Variants in RBFOX1 observed in about 807,000 individuals in gnomAD.
RBFOX1 encodes RNA binding fox-1 homolog 1.
In RBFOX1, 8 loss-of-function variants were observed where a neutral mutation model predicts 57.7. The observed-to-expected ratio is 0.14, with a 90% CI of 0.08 to 0.25. The LOEUF (loss-of-function observed/expected upper bound fraction) is 0.25. RBFOX1 is among the 10% of genes least tolerant of loss of function. The pLI is 1.00. For synonymous variants in RBFOX1, 326 were observed against 222.4 expected (o/e 1.47, Z -4.15); for missense variants, 611 against 548.5 (o/e 1.11, Z -1.14).
intron 4 of RBFOX1, among the ~76,000 whole-genome samples, chr16:7,449,626 C>A (rs11644672): frequency 2.0e-4 from 30 of 150,936 alleles, no homozygotes; most frequent in Admixed American, 2.7e-4. Context: ...CTGCACATCC[C>A]CAGTGCCTGA....
chr16:6,526,445 T>G (rs1451553666), intron 2 of RBFOX1, among the ~76,000 whole-genome samples: 1 of 152,176 alleles, frequency 6.6e-6, no homozygotes, highest in Non-Finnish European at 1.5e-5. Flanking sequence ...TACATTGCTG[T>G]AGAAGGCGGT....
intron 1 of RBFOX1, among the ~76,000 whole-genome samples, chr16:5,403,871 C>A (rs567595975): frequency 6.6e-6 from 1 of 152,142 alleles, no homozygotes; most frequent in East Asian, 1.9e-4. Flanking sequence ...ATGAAATATA[C>A]TGGGGAAAGA....
At chr16:6,980,942 C>G (rs762830565) in intron 3 of RBFOX1, among the ~76,000 whole-genome samples, 7 of 147,870 alleles carry the variant, frequency 4.7e-5, no homozygotes, top group African/African-American at 1.0e-4. Context: ...AATCGGGAGT[C>G]TGAGGCATGA....
At chr16:6,944,482 C>T (rs2079120042) in intron 3 of RBFOX1, among the ~76,000 whole-genome samples, 1 of 152,000 alleles carries the variant, frequency 6.6e-6, no homozygotes, top group Non-Finnish European at 1.5e-5. Context: ...GACTTATCTC[C>T]ACATAGGTGA....
rs139437673 is a variant in RBFOX1 at position 6,387,392 on chromosome 16, A to C, written c.-64+70335A>C. Reference sequence around the variant, plus strand: ...TGCTGTCCCATGCAACTTGACTTCTATTTACACTCCTCGGATTCGTATGTG... The same window carrying C: ...TGCTGTCCCATGCAACTTGACTTCTCTTTACACTCCTCGGATTCGTATGTG... On this transcript the variant is annotated intron_variant, in intron 2 of 15. Coordinates refer to ENST00000550418, the MANE Select transcript of RBFOX1 (RefSeq NM_018723.4). 2.0e-5 allele frequency among the ~76,000 whole-genome samples: 3 copies of C among 150,692 alleles called. No individual in the cohort carries two copies. The South Asian group carries it at 6.3e-4, about 32-fold the overall frequency.
At chr16:5,336,003 G>T (rs1446138463) in intron 1 of RBFOX1, among the ~76,000 whole-genome samples, 12 of 152,142 alleles carry the variant, frequency 7.9e-5, no homozygotes, top group African/African-American at 2.9e-4. Context: ...GTCCAATTTG[G>T]TAGGTGAGAA....
chr16:7,038,594 C>G (rs900407464), intron 3 of RBFOX1, among the ~76,000 whole-genome samples: 2 of 152,144 alleles, frequency 1.3e-5, no homozygotes, highest in Non-Finnish European at 2.9e-5. Flanking sequence ...ATGTGTCAGA[C>G]CAGCCAGGCT....
chr16:5,996,143 T>A (rs899131578), intron 4 of RBFOX1, among the ~76,000 whole-genome samples: 29 of 152,188 alleles, frequency 1.9e-4, no homozygotes, highest in African/African-American at 7.0e-4. Flanking sequence ...TGTTGGGATT[T>A]CACCATATTA....
At chr16:5,493,872 A>T (rs988289972) in intron 2 of RBFOX1, among the ~76,000 whole-genome samples, 1 of 152,224 alleles carries the variant, frequency 6.6e-6, no homozygotes, top group Non-Finnish European at 1.5e-5. Flanking sequence ...CGGTAGCCAA[A>T]ATATGAAATT....
intron 2 of RBFOX1, among the ~76,000 whole-genome samples, chr16:5,503,279 G>A (rs1225835368): frequency 1.3e-5 from 2 of 152,114 alleles, no homozygotes; most frequent in Non-Finnish European, 2.9e-5. Context: ...CTGGTATTAC[G>A]GACAGAGAGT....
chr16:5,489,834 G>A (rs2042765773), intron 2 of RBFOX1, among the ~76,000 whole-genome samples: 1 of 152,204 alleles, frequency 6.6e-6, no homozygotes. Context: ...GTGCATCTCT[G>A]TCTGAACTCC....
At chr16:6,034,351 A>G (rs1184108207) in intron 1 of RBFOX1, among the ~76,000 whole-genome samples, 2 of 146,466 alleles carry the variant, frequency 1.4e-5, no homozygotes, top group Non-Finnish European at 3.1e-5. Flanking sequence ...AAAAAAAAAA[A>G]AAAAAAGAAA....
intron 4 of RBFOX1, among the ~76,000 whole-genome samples, chr16:7,181,007 G>T (rs1174526152): frequency 6.6e-6 from 1 of 152,196 alleles, no homozygotes; most frequent in East Asian, 1.9e-4. Context: ...CAAAAGCAAT[G>T]GAATGTTGCG....
chr16:7,050,222 G>A (rs749558492), intron 3 of RBFOX1, among the ~76,000 whole-genome samples: 17 of 146,352 alleles, frequency 1.2e-4, no homozygotes, highest in Non-Finnish European at 2.3e-4. Context: ...ATTTCTCCCA[G>A]TCTTTTCCTC....
intron 3 of RBFOX1, among the ~76,000 whole-genome samples, chr16:6,814,534 C>G (rs974316366): frequency 1.3e-5 from 2 of 152,038 alleles, no homozygotes; most frequent in African/African-American, 4.8e-5. Flanking sequence ...AATGACAATC[C>G]TTAGTATGTG....
chr16:7,523,629 G>T (rs1273820528), intron 5 of RBFOX1, among the ~76,000 whole-genome samples: 1 of 152,208 alleles, frequency 6.6e-6, no homozygotes, highest in Non-Finnish European at 1.5e-5. Context: ...TTAAAGGAAA[G>T]ACAGCCATTA....
chr16:6,543,054 C>G (rs1417975678), intron 2 of RBFOX1, among the ~76,000 whole-genome samples: 1 of 152,158 alleles, frequency 6.6e-6, no homozygotes, highest in East Asian at 1.9e-4. Context: ...GTAATCACAT[C>G]CAAGCCAATT....
intron 3 of RBFOX1, among the ~76,000 whole-genome samples, chr16:6,751,687 C>G (rs553840153): frequency 9.2e-5 from 14 of 152,250 alleles, no homozygotes; most frequent in Admixed American, 2.6e-4. Context: ...TTATCATCAG[C>G]TTGCTGCTTA....
intron 2 of RBFOX1, among the ~76,000 whole-genome samples, chr16:6,607,334 T>C (rs1310431039): frequency 6.6e-6 from 1 of 152,200 alleles, no homozygotes; most frequent in African/African-American, 2.4e-5. Context: ...AGCATTAGGA[T>C]ATAATAATTC....
Sources: allele counts gnomAD v4.1 joint callset (sites outside exome capture counted in the v4.1 genomes callset), GRCh38; gene constraint gnomAD v4.1.1; transcripts MANE v1.5; gene names NCBI Gene and HGNC (gene_info 2026-07-23, HGNC 2026-07-21).